ZNF680: variants seen among roughly 807,000 people sequenced by gnomAD.
The protein encoded by ZNF680 is zinc finger protein 680.
ZNF680 carries 6 observed loss-of-function variants against 12.1 expected under a neutral mutation model. The observed-to-expected ratio is 0.49, with a 90% confidence interval of 0.27 to 0.98. The LOEUF is 0.98. Ranked by LOEUF, ZNF680 falls within the 50% of genes least tolerant of loss-of-function variation. The pLI is 0.12. For synonymous variants in ZNF680, 170 were observed against 199.3 expected, an observed-to-expected ratio of 0.85 and a Z score of 1.24; for missense variants, 561 against 616.3, an observed-to-expected ratio of 0.91 and a Z score of 0.95.
At chr7:64,555,594 G>C (rs1377850234) in intron 1 of ZNF680, among the ~76,000 whole-genome samples, 1 of 151,628 alleles carries the variant, frequency 6.6e-6, no homozygotes, top group Non-Finnish European at 1.5e-5. Flanking sequence ...ATGAATAAAA[G>C]AATGAGAGAA....
intron 3 of ZNF680, among the ~76,000 whole-genome samples, chr7:64,532,736 G>GA (rs1296401230): frequency 2.6e-5 from 4 of 152,110 alleles, no homozygotes; most frequent in African/African-American, 9.7e-5. Context: ...GAAAACTACA[G>GA]ACTTATATCC....
chr7:64,522,192 C>G lies in ZNF680; in HGVS notation c.562G>C (p.Gly188Arg), dbSNP rs759234510. 1.2e-6 allele frequency: 2 copies of G among 1,612,564 alleles called. No homozygotes were observed. The highest frequency in any genetic ancestry group is 2.2e-5 in the South Asian group (2 of 91,004). ...TGTGAAAGCATGCAAAATGATTTGC[C>G]ACATTCTTTACATTTGAAAACCTTC... ...GKKVFKCKEC[G>R]KSFCMLSHLT... is the part of the protein sequence containing the mutation. Residue 188 changes from glycine to arginine, a missense_variant, in exon 4 of 4, where the codon GGC (glycine) becomes CGC (arginine). Gly to Arg is a moderately radical substitution (Grantham distance 125). Transcript: ENST00000309683.
intron 3 of ZNF680, among the ~76,000 whole-genome samples, chr7:64,530,567 A>C (rs1315571124): frequency 6.6e-6 from 1 of 152,178 alleles, no homozygotes; most frequent in Non-Finnish European, 1.5e-5. Context: ...AAAGACAAAG[A>C]GGGACATTAT....
Position 64,544,379 on chromosome 7 carries a change from T to C in ZNF680, c.84A>G (p.Gln28=). The change falls in exon 2 of 4, where the codon CAA becomes CAG. Residue 28 remains glutamine (Q), a synonymous_variant. Coordinates refer to ENST00000309683, the MANE Select transcript of ZNF680 (RefSeq NM_178558.5). The part of the protein sequence containing the change: ...VAIEFSLEEW[Q]CLDTAQRNLY... The stretch of plus-strand genomic sequence containing the variant: ...AATTCCGTTGTGCAGTGTCCAGGCA[T>C]TGCCACTCCTCCAGAGAGAATTCTA... 10 of 1,604,198 alleles carry C rather than the reference T, an allele frequency of 6.2e-6. No individual in the cohort carries two copies. The highest frequency in any genetic ancestry group is 8.5e-6 in the Non-Finnish European group (10 of 1,173,986).
the ZNF680 span, among the ~76,000 whole-genome samples, chr7:64,509,839 G>C: frequency 6.6e-6 from 1 of 152,058 alleles, no homozygotes; most frequent in African/African-American, 2.4e-5. Flanking sequence ...AGGAGAGAGA[G>C]AAGGAGGAGA....
At chr7:64,526,781 CAT>C (rs1283226338) in intron 3 of ZNF680, among the ~76,000 whole-genome samples, 1 of 151,986 alleles carries the variant, frequency 6.6e-6, no homozygotes, top group African/African-American at 2.4e-5. Flanking sequence ...AACTGGAAAA[CAT>C]ATTAGTTTTT....
the ZNF680 span, chr7:64,501,379 A>C: frequency 8.3e-7 from 1 of 1,211,406 alleles, no homozygotes; most frequent in Non-Finnish European, 1.2e-6. Flanking sequence ...CAAGTCTGGA[A>C]AGTTGAAAGG....
chr7:64,515,276 AACACACACACATAC>A (rs1483963448), downstream of ZNF680, among the ~76,000 whole-genome samples: 1 of 151,524 alleles, frequency 6.6e-6, no homozygotes, highest in East Asian at 1.9e-4. Context: ...GCATCAGTGC[AACACACACACATAC>A]ACACACACAT....
chr7:64,527,927 G>C (rs1791956766), intron 3 of ZNF680, among the ~76,000 whole-genome samples: 1 of 152,206 alleles, frequency 6.6e-6, no homozygotes, highest in Non-Finnish European at 1.5e-5. Flanking sequence ...CAGATCCTCT[G>C]AATGAAGCAG....
At chr7:64,552,610 A>C (rs1787142385) in intron 1 of ZNF680, among the ~76,000 whole-genome samples, 1 of 152,206 alleles carries the variant, frequency 6.6e-6, no homozygotes, top group Admixed American at 6.5e-5. Context: ...ATTTGGTAAT[A>C]AGTTTTATTT....
chr7:64,544,626 C>T (rs180768324), intron 1 of ZNF680, among the ~76,000 whole-genome samples, 194 bp from the exon 2 acceptor site: 17 of 152,096 alleles, frequency 1.1e-4, no homozygotes, highest in African/African-American at 4.1e-4. Context: ...TATTCTTTAA[C>T]TCAGATAAGA....
chr7:64,541,045 A>C (rs994396581), intron 3 of ZNF680, among the ~76,000 whole-genome samples: 1 of 152,206 alleles, frequency 6.6e-6, no homozygotes, highest in African/African-American at 2.4e-5. Flanking sequence ...CTTTAGAAGC[A>C]AAACAATAGT....
At chr7:64,559,985 G>T (rs936143344) in intron 1 of ZNF680, among the ~76,000 whole-genome samples, 4 of 151,978 alleles carry the variant, frequency 2.6e-5, no homozygotes, top group Non-Finnish European at 4.4e-5. Flanking sequence ...AGATAACAGG[G>T]TATAGACTAG....
At chr7:64,552,640 CTAAATA>C (rs1005848063) in intron 1 of ZNF680, among the ~76,000 whole-genome samples, 135 of 152,184 alleles carry the variant, frequency 8.9e-4, no homozygotes, top group African/African-American at 3.1e-3. Flanking sequence ...AGATAAGTAT[CTAAATA>C]TAAATAATTT....
rs1396818380 is a variant in ZNF680, at chr7:64,521,942, C to T, written c.812G>A (p.Cys271Tyr). 1 of 1,612,786 alleles carries T rather than the reference C, an allele frequency of 6.2e-7. No individual in the cohort carries two copies. Among genetic ancestry groups the T allele is most frequent in the African/African-American group, 1.3e-5 (1 of 74,862 alleles). The change falls in exon 4 of 4, where the codon TGT becomes TAT. Residue 271 changes from cysteine to tyrosine, a missense_variant. Coordinates refer to ENST00000309683, the MANE Select transcript of ZNF680 (RefSeq NM_178558.5). ...IEEKPFKCEE[C>Y]GKAFSLFSIL... ...TGAGAATAAACTAAAGGCTTTGCCA[C>T]ATTCTTCACATTTGAAGGGTTTCTC... is the stretch of plus-strand genomic sequence containing the variant.
chr7:64,526,000 G>C (rs1167017009), intron 3 of ZNF680: 2 of 984,752 alleles, frequency 2.0e-6, no homozygotes, highest in Middle Eastern at 5.2e-4. Context: ...AAATTTTACA[G>C]AGTTAAATAC....
chr7:64,555,049 C>T (rs1306856733), intron 1 of ZNF680, among the ~76,000 whole-genome samples: 3 of 151,896 alleles, frequency 2.0e-5, no homozygotes, highest in Admixed American at 6.6e-5. Flanking sequence ...TCTTAGAGAC[C>T]TATGAAGAGA....
chr7:64,547,927 C>G (rs1284124535), intron 1 of ZNF680, among the ~76,000 whole-genome samples: 1 of 152,180 alleles, frequency 6.6e-6, no homozygotes, highest in Non-Finnish European at 1.5e-5. Flanking sequence ...GCAGGACTCA[C>G]CAGCCAAAAC....
At chr7:64,524,290 G>A (rs1226458372) in intron 3 of ZNF680, among the ~76,000 whole-genome samples, 1 of 151,768 alleles carries the variant, frequency 6.6e-6, no homozygotes, top group Non-Finnish European at 1.5e-5. Context: ...TGGGATTACA[G>A]GCACCCACCA....
Sources: gnomAD v4.1 joint callset for allele counts (sites outside exome capture counted in the v4.1 genomes callset) on GRCh38, gnomAD v4.1.1 for gene constraint, MANE v1.5 for transcripts, NCBI Gene and HGNC (gene_info 2026-07-23, HGNC 2026-07-21) for gene names.